The following GUCY1B1 variants were observed in gnomAD, a reference collection of about 807,000 sequenced individuals.
The protein encoded by GUCY1B1 is guanylate cyclase soluble subunit beta-1.
A neutral mutation model predicts 71.0 loss-of-function variants in GUCY1B1; 43 were observed. The ratio of observed to expected loss-of-function variants is 0.61; its 90% CI spans 0.47 to 0.78. The LOEUF (loss-of-function observed/expected upper bound fraction) is 0.78, where lower values mean the gene tolerates loss of function less well. Ranked by LOEUF, GUCY1B1 falls within the 30% of genes least tolerant of loss-of-function variation. GUCY1B1 has a pLI of 0.00. For missense variants in GUCY1B1, 535 were observed against 754.1 expected (o/e 0.71, Z 3.40); for synonymous variants, 266 against 259.7 (o/e 1.02, Z -0.23).
At chr4:155,764,507 T>C (rs535681072) in intron 2 of GUCY1B1, among the ~76,000 whole-genome samples, 2 of 152,324 alleles carry the variant, frequency 1.3e-5, no homozygotes, top group East Asian at 3.9e-4. Flanking sequence ...TAATGCTTCT[T>C]TTAAGATATA....
intron 4 of GUCY1B1, among the ~76,000 whole-genome samples, chr4:155,787,922 G>C (rs1738907244): frequency 6.6e-6 from 1 of 152,128 alleles, no homozygotes. Context: ...CATATCTCCA[G>C]TACTTTCATT....
chr4:155,789,264 G>T (rs1738997691), intron 4 of GUCY1B1, among the ~76,000 whole-genome samples: 1 of 152,098 alleles, frequency 6.6e-6, no homozygotes, highest in Non-Finnish European at 1.5e-5. Context: ...CTTATAATTT[G>T]GGCATAGTTT....
chr4:155,772,658 G>T, intron 2 of GUCY1B1: 1 of 701,072 alleles, frequency 1.4e-6, no homozygotes, highest in Admixed American at 2.0e-5. Flanking sequence ...GAGCTCAACG[G>T]ATCCTCCCAC....
At position 155,775,019 on chromosome 4, in the gene GUCY1B1, T is replaced by G; in HGVS notation, c.129T>G (p.Tyr43Ter). The G allele has an allele frequency of 6.2e-7, 1 of 1,607,008 alleles. No individual in the cohort carries two copies. Among genetic ancestry groups the G allele is most frequent in the Non-Finnish European group, 8.5e-7 (1 of 1,173,930 alleles). ...EEGQFLVRII[Y>*]DDSKTYDLVA... ...GACAGTTTCTTGTCAGAATAATATATGATGACTCCAAAACTTATGATTTGG... is the reference window on the plus strand; with the variant it reads ...GACAGTTTCTTGTCAGAATAATATAGGATGACTCCAAAACTTATGATTTGG... Residue 43 changes from tyrosine to a stop codon, truncating the protein, a stop_gained, in exon 3 of 14, where the codon TAT (tyrosine) becomes TAG (stop). Transcript: ENST00000264424. LOFTEE classifies it high-confidence loss of function.
chr4:155,764,645 A>G (rs1737209110), intron 2 of GUCY1B1, among the ~76,000 whole-genome samples: 1 of 152,232 alleles, frequency 6.6e-6, no homozygotes, highest in African/African-American at 2.4e-5. Context: ...AAACCAGATC[A>G]TTGTTAGGAT....
At chr4:155,759,298 A>T in intron 1 of GUCY1B1, 155 bp downstream of exon 1, 2 of 704,244 alleles carry the variant, frequency 2.8e-6, no homozygotes, top group Admixed American at 6.4e-5. Context: ...GCGCCCAGTC[A>T]GGGGAGGTGG....
In GUCY1B1 at chr4:155,759,588, G is replaced by A. The variant is rs73855705; in HGVS notation, c.4-199G>A. The A allele has an allele frequency of 2.9e-3, 1,578 of 545,612 alleles. 27 individuals carry two copies. Among genetic ancestry groups the A allele is most frequent in the African/African-American group, 0.028 (1,415 of 50,210 alleles). 33.8% of individuals were successfully genotyped at this position (545,612 alleles called of 1,614,324 possible). A position where few individuals can be genotyped will look rare whatever the true frequency, so the allele number is the denominator to read the frequency against. The stretch of plus-strand genomic sequence containing the variant: ...CGTGGGGGTGGGGCGGATGGTGACG[G>A]GGAGAATCCACCAGGGATTGGGGGG... On this transcript the variant is annotated intron_variant, in intron 1 of 13. Coordinates refer to ENST00000264424, the MANE Select transcript of GUCY1B1 (RefSeq NM_000857.5).
chr4:155,772,584 T>G, intron 2 of GUCY1B1: 1 of 414,524 alleles, frequency 2.4e-6, no homozygotes, highest in East Asian at 4.4e-5. Flanking sequence ...ACCTGCCTAA[T>G]TTTTTTTTTA....
intron 1 of GUCY1B1, chr4:155,759,428 C>A: frequency 1.9e-6 from 1 of 537,300 alleles, no homozygotes; most frequent in Non-Finnish European, 3.3e-6. Flanking sequence ...TGGGGTCTTC[C>A]CGGCTCTGGC....
At chr4:155,801,724 C>A (rs1420166195) in intron 9 of GUCY1B1, among the ~76,000 whole-genome samples, 1 of 152,182 alleles carries the variant, frequency 6.6e-6, no homozygotes, top group African/African-American at 2.4e-5. Flanking sequence ...CTCCTGTGTG[C>A]TCACATTTGT....
At chr4:155,787,816 ACCGTAGTTTCCT>A (rs1738898622) in intron 4 of GUCY1B1, among the ~76,000 whole-genome samples, 1 of 152,070 alleles carries the variant, frequency 6.6e-6, no homozygotes, top group African/African-American at 2.4e-5. Context: ...TCTCATTCTC[ACCGTAGTTTCCT>A]CCCAGTAATC....
intron 9 of GUCY1B1, 34 bp downstream of exon 9, chr4:155,800,108 T>C (rs1196695990): frequency 7.1e-7 from 1 of 1,413,230 alleles, no homozygotes; most frequent in Admixed American, 1.9e-5. Flanking sequence ...CTACTGTTAT[T>C]CATAACATAA....
rs1738887691 is a variant in GUCY1B1, at chr4:155,787,649, C to T, written c.298-2065C>T. ...GATCTGCATCCAAACATCTACCCTGCACCCAAGCCCACATGACACAGTGTA... is the reference window on the plus strand; with the variant it reads ...GATCTGCATCCAAACATCTACCCTGTACCCAAGCCCACATGACACAGTGTA... On this transcript the variant is annotated intron_variant, in intron 4 of 13. Transcript: ENST00000264424. Among the ~76,000 whole-genome samples the T allele has an allele frequency of 2.0e-5, 3 of 152,210 alleles. No homozygotes were observed. The South Asian group carries it at 6.2e-4, about 32-fold the overall frequency.
At chr4:155,782,499 T>G (rs981201322) in intron 4 of GUCY1B1, among the ~76,000 whole-genome samples, 2 of 152,228 alleles carry the variant, frequency 1.3e-5, no homozygotes, top group Admixed American at 6.5e-5. Context: ...ATGTTCAGTT[T>G]AATGTTATTT....
chr4:155,777,779 T>C (rs1032395791), intron 4 of GUCY1B1, 137 bp downstream of exon 4: 2 of 549,858 alleles, frequency 3.6e-6, no homozygotes, highest in African/African-American at 3.8e-5. Flanking sequence ...TTTTTCTAAT[T>C]CACATAAAAT....
At chr4:155,762,957 G>T (rs961135504) in intron 2 of GUCY1B1, among the ~76,000 whole-genome samples, 1 of 151,876 alleles carries the variant, frequency 6.6e-6, no homozygotes, top group Admixed American at 6.6e-5. Flanking sequence ...CCATTTCAAA[G>T]TTTTTTTTGT....
chr4:155,782,023 G>A (rs1269927337), intron 4 of GUCY1B1, among the ~76,000 whole-genome samples: 2 of 151,968 alleles, frequency 1.3e-5, no homozygotes, highest in East Asian at 1.9e-4. Flanking sequence ...TAAAATGTGT[G>A]GTTCCATGCT....
intron 5 of GUCY1B1, among the ~76,000 whole-genome samples, chr4:155,793,581 CT>C (rs768459873): frequency 6.6e-6 from 1 of 151,298 alleles, no homozygotes; most frequent in Non-Finnish European, 1.5e-5. Context: ...CCCACAAGTG[CT>C]TTTTTTTTCT....
Position 155,795,324 on chromosome 4 carries a change from C to T in GUCY1B1, c.727-17C>T. On this transcript the variant is annotated splice_polypyrimidine_tract_variant and intron_variant, in intron 6 of 13. Coordinates refer to ENST00000264424, the MANE Select transcript of GUCY1B1 (RefSeq NM_000857.5). ...TTTAACTGATGTGATACTCTTTGCT[C>T]TCTATCTATATTTTAGCTCCAGCCT... 2 of 1,330,608 alleles carry T rather than the reference C, an allele frequency of 1.5e-6. No homozygotes were observed. Among genetic ancestry groups the T allele is most frequent in the Middle Eastern group, 1.8e-4 (1 of 5,470 alleles). 82.4% of individuals were successfully genotyped at this position (1,330,608 alleles called of 1,614,324 possible). A position where few individuals can be genotyped will look rare whatever the true frequency, so the allele number is the denominator to read the frequency against.
Sources: gnomAD v4.1 joint callset for allele counts (sites outside exome capture counted in the v4.1 genomes callset) on GRCh38, gnomAD v4.1.1 for gene constraint, MANE v1.5 for transcripts, NCBI Gene and HGNC (gene_info 2026-07-23, HGNC 2026-07-21) for gene names.